The following DYNC1I2 variants were observed in gnomAD, a reference collection of about 807,000 sequenced individuals.
DYNC1I2 encodes cytoplasmic dynein 1 intermediate chain 2.
A neutral mutation model predicts 88.6 loss-of-function variants in DYNC1I2; 53 were observed. The ratio of observed to expected loss-of-function variants is 0.60; its 90% CI spans 0.48 to 0.75. DYNC1I2 has a LOEUF of 0.75. DYNC1I2 is among the 30% of genes least tolerant of loss of function. DYNC1I2 has a pLI of 0.00. For missense variants in DYNC1I2, 458 were observed against 766.6 expected, an observed-to-expected ratio of 0.60 and a Z score of 4.75; for synonymous variants, 198 against 254.6, an observed-to-expected ratio of 0.78 and a Z score of 2.12.
At chr2:171,736,849 A>G (rs1229532306) in intron 15 of DYNC1I2, among the ~76,000 whole-genome samples, 2 of 152,166 alleles carry the variant, frequency 1.3e-5, no homozygotes, top group Non-Finnish European at 2.9e-5. Flanking sequence ...TTTATTTCCC[A>G]GTTCTCTAGG....
rs61079902 is a variant in DYNC1I2, at chr2:171,733,459, C to CTTTTTTTTT, written c.1536+3628_1536+3636dup. Among the ~76,000 whole-genome samples the CTTTTTTTTT allele has an allele frequency of 4.3e-4, 24 of 55,800 alleles. 3 individuals carry two copies. Among genetic ancestry groups the CTTTTTTTTT allele is most frequent in the Admixed American group, 6.0e-4 (2 of 3,354 alleles). The allele number at this position is 55,800 out of a possible 152,430, so 36.6% of individuals were successfully genotyped here. ...TTTTTCTCCACAACCTTGCCAGCAT[C>CTTTTTTTTT]TTTTTTTTTTTTTTTTTTTTTTTTT... is the stretch of plus-strand genomic sequence containing the variant. On this transcript the variant is annotated intron_variant, in intron 15 of 17. Coordinates refer to ENST00000397119, the MANE Select transcript of DYNC1I2 (RefSeq NM_001378.3).
intron 5 of DYNC1I2, among the ~76,000 whole-genome samples, chr2:171,711,809 A>G (rs1687144105): frequency 6.6e-6 from 1 of 152,240 alleles, no homozygotes. Context: ...GTTATAAATT[A>G]TAATGTCTTA....
At chr2:171,713,238 GTTCA>G (rs1393634885) in intron 6 of DYNC1I2, among the ~76,000 whole-genome samples, 1 of 151,906 alleles carries the variant, frequency 6.6e-6, no homozygotes, top group East Asian at 1.9e-4. Flanking sequence ...TCCTTACACT[GTTCA>G]TTCATTCATT....
chr2:171,705,631 A>T lies in DYNC1I2; in HGVS notation c.227-916A>T, dbSNP rs140475603. ...ATCAGTTGGGACTTAGACTAGGGGA[A>T]GCCTCACAGTGAAAGATGGACAAAA... On this transcript the variant is annotated intron_variant, in intron 3 of 17. Transcript: ENST00000397119. Among the ~76,000 whole-genome samples, 422 of 152,202 alleles carry T rather than the reference A, an allele frequency of 2.8e-3. 1 individual carries two copies. Among genetic ancestry groups the T allele is most frequent in the African/African-American group, 9.4e-3 (389 of 41,578 alleles).
Position 171,727,634 on chromosome 2 carries a change from AT to A in DYNC1I2, c.997-186del, listed in dbSNP as rs1688337556. Among the ~76,000 whole-genome samples, 3 of 152,298 alleles carry A rather than the reference AT, an allele frequency of 2.0e-5. No individual in the cohort carries two copies. The South Asian group carries it at 6.2e-4, about 32-fold the overall frequency. On this transcript the variant is annotated intron_variant, in intron 11 of 17. Transcript: ENST00000397119. ...ATTGCATTGGACTTTTAAGCAAAAA[AT>A]ATCTTAAAGATATATTTTTATATTT...
chr2:171,747,335 G>GT (rs1689866387), intron 17 of DYNC1I2, among the ~76,000 whole-genome samples: 1 of 151,034 alleles, frequency 6.6e-6, no homozygotes, highest in Non-Finnish European at 1.5e-5. Context: ...AGGAGTTAAG[G>GT]TATCAAGAAA....
chr2:171,715,528 TGTTTC>T (rs2105604959), intron 7 of DYNC1I2, 85 bp downstream of exon 7: 1 of 975,512 alleles, frequency 1.0e-6, no homozygotes, highest in Non-Finnish European at 1.5e-6. Flanking sequence ...ATTTTTGTTT[TGTTTC>T]TTTTTTGCTT....
intron 15 of DYNC1I2, among the ~76,000 whole-genome samples, chr2:171,741,226 C>T (rs1347967246): frequency 6.6e-6 from 1 of 152,156 alleles, no homozygotes; most frequent in Non-Finnish European, 1.5e-5. Context: ...ACTTCAGTTG[C>T]TTCTGCTTTT....
At position 171,749,868 on chromosome 2, in the gene DYNC1I2, T is replaced by C. The variant is rs978304182; in HGVS notation, c.*1979T>C. ...AGAGAAAGTATTGAGACTGTCAGTG[T>C]TGATAAAGCTTCTAGCAAGATTAGG... On this transcript the variant is annotated 3_prime_UTR_variant, in exon 18 of 18. Coordinates refer to ENST00000397119, the MANE Select transcript of DYNC1I2 (RefSeq NM_001378.3). 1.3e-5 allele frequency among the ~76,000 whole-genome samples: 2 copies of C among 152,198 alleles called. No individual in the cohort carries two copies. Among genetic ancestry groups the C allele is most frequent in the African/African-American group, 4.8e-5 (2 of 41,472 alleles).
chr2:171,693,189 T>A, intron 3 of DYNC1I2: 1 of 327,262 alleles, frequency 3.1e-6, no homozygotes, highest in East Asian at 7.7e-5. Context: ...TGTGCCATAC[T>A]GTGTTAAGCT....
intron 5 of DYNC1I2, among the ~76,000 whole-genome samples, chr2:171,710,394 CAT>C (rs1250594389): frequency 2.0e-5 from 3 of 152,116 alleles, no homozygotes; most frequent in Admixed American, 2.0e-4. Context: ...TACATGAAGA[CAT>C]GTGAGATGTG....
chr2:171,730,345 G>A (rs533270733), intron 15 of DYNC1I2, among the ~76,000 whole-genome samples: 1 of 152,292 alleles, frequency 6.6e-6, no homozygotes, highest in East Asian at 1.9e-4. Context: ...GAATCCTTAG[G>A]AAAGCATTGT....
intron 3 of DYNC1I2, among the ~76,000 whole-genome samples, chr2:171,695,537 GTATT>G (rs533744636): frequency 1.2e-3 from 178 of 152,082 alleles, no homozygotes; most frequent in African/African-American, 4.2e-3. Flanking sequence ...TGCTATATAC[GTATT>G]TAGTCATTTA....
chr2:171,738,717 G>T (rs1223071677), intron 15 of DYNC1I2, among the ~76,000 whole-genome samples: 1 of 152,216 alleles, frequency 6.6e-6, no homozygotes, highest in Admixed American at 6.5e-5. Context: ...CCTTAGCACA[G>T]TGGTTCTTAA....
chr2:171,722,522 T>C (rs1687968785), intron 7 of DYNC1I2, among the ~76,000 whole-genome samples: 1 of 152,128 alleles, frequency 6.6e-6, no homozygotes, highest in Non-Finnish European at 1.5e-5. Flanking sequence ...TACAGTCTTT[T>C]CCAGTTTTAA....
chr2:171,728,039 C>T (rs1688361652), intron 12 of DYNC1I2, 72 bp downstream of exon 12: 17 of 1,465,468 alleles, frequency 1.2e-5, no homozygotes. Context: ...TAGTAGTGGC[C>T]ATCAGAGTCA....
chr2:171,732,469 C>G (rs913952664), intron 15 of DYNC1I2, among the ~76,000 whole-genome samples: 19 of 152,220 alleles, frequency 1.2e-4, no homozygotes, highest in African/African-American at 3.6e-4. Context: ...ATGTTTTTAT[C>G]ACCAGATAAA....
chr2:171,723,295 G>A (rs1688018686), intron 7 of DYNC1I2, among the ~76,000 whole-genome samples: 1 of 152,106 alleles, frequency 6.6e-6, no homozygotes, highest in Non-Finnish European at 1.5e-5. Context: ...CCTGTCCTGG[G>A]TGATTCAAAA....
chr2:171,714,684 A>T (rs1687363960), intron 6 of DYNC1I2, among the ~76,000 whole-genome samples: 1 of 152,222 alleles, frequency 6.6e-6, no homozygotes, highest in Admixed American at 6.5e-5. Context: ...TATGGTATTC[A>T]AAAGATCTGT....
Sources: allele counts gnomAD v4.1 joint callset (sites outside exome capture counted in the v4.1 genomes callset), GRCh38; gene constraint gnomAD v4.1.1; transcripts MANE v1.5; gene names NCBI Gene and HGNC (gene_info 2026-07-23, HGNC 2026-07-21).